MRPL36: variants seen among roughly 807,000 people sequenced by gnomAD.
MRPL36 encodes the protein large ribosomal subunit protein bL36m.
In MRPL36, 1 loss-of-function variant was observed where a neutral mutation model predicts 2.8. That is an observed-to-expected ratio of 0.36 (90% CI 0.13 to 1.69). The LOEUF (loss-of-function observed/expected upper bound fraction) is 1.69, where lower values mean the gene tolerates loss of function less well. MRPL36 is among the 40% of genes most tolerant of loss of function. The pLI is 0.35. For missense variants in MRPL36, 148 were observed against 132.7 expected, an observed-to-expected ratio of 1.12 and a Z score of -0.57; for synonymous variants, 68 against 54.8, an observed-to-expected ratio of 1.24 and a Z score of -1.06.
chr5:1,801,319 G>A (rs1211340237), upstream of MRPL36: 1 of 1,505,002 alleles, frequency 6.6e-7, no homozygotes, highest in African/African-American at 1.4e-5. Context: ...CCCGCCCCCA[G>A]GGCGAAATAA....
In MRPL36 at chr5:1,799,099, T is replaced by C. The variant is rs540642803; in HGVS notation, c.-12-152A>G. 10 of 622,362 alleles carry C rather than the reference T, an allele frequency of 1.6e-5. No individual in the cohort carries two copies. The Admixed American group carries it at 2.4e-4, about 15-fold the overall frequency. The allele number at this position is 622,362 out of a possible 1,614,324, so 38.6% of individuals were successfully genotyped here. ...TACCAGCTGCAGCCTCGACCTGAGC[T>C]TGAACACTGCCTTAATCAGCCAAGT... is the stretch of plus-strand genomic sequence containing the variant. On this transcript the variant is annotated intron_variant, in intron 1 of 1. Transcript: ENST00000505059.
chr5:1,800,677 C>T (rs773533196), upstream of MRPL36, among the ~76,000 whole-genome samples: 8 of 152,224 alleles, frequency 5.3e-5, no homozygotes, highest in Admixed American at 1.3e-4. Context: ...ACGTGGTCCT[C>T]AGGCTCTGAC....
Position 1,798,544 on chromosome 5 carries a change from G to C in MRPL36, c.*80C>G. On this transcript the variant is annotated 3_prime_UTR_variant, in exon 2 of 2. Transcript: ENST00000505059. ...TCACTTTCCCCTGACTCCTTGATGT[G>C]ATAATTCCTTCCATAAGATACAACC... 7.0e-7 allele frequency: 1 copy of C among 1,428,356 alleles called. No individual in the cohort carries two copies. The highest frequency in any genetic ancestry group is 1.4e-5 in the African/African-American group (1 of 70,928). 88.5% of individuals were successfully genotyped at this position (1,428,356 alleles called of 1,614,324 possible).
At chr5:1,799,875 C>CGGGGGG (rs368360524), upstream of MRPL36, 11 of 131,652 alleles carry the variant, frequency 8.4e-5, no homozygotes, top group African/African-American at 3.0e-4. Context: ...AAGATGGCGG[C>CGGGGGG]GGGGGGGGGG....
chr5:1,799,223 C>T (rs1733945741), intron 1 of MRPL36: 1 of 312,722 alleles, frequency 3.2e-6, no homozygotes, highest in South Asian at 6.9e-5. Context: ...GTTGAGGAGC[C>T]GCTCACTTGG....
chr5:1,798,639 C>T lies in MRPL36; in HGVS notation c.297G>A (p.Lys99=), dbSNP rs760027234. Residue 99 remains lysine, a synonymous_variant, in exon 2 of 2, where the codon AAG becomes AAA. Coordinates refer to ENST00000505059, the MANE Select transcript of MRPL36 (RefSeq NM_032479.4). ...GGGAAAGGGTCTACATCTGTCTCTG[C>T]TTGTGCCTCGGATGGGTTTTACAGT... ...YVYCKTHPRH[K]QRQM 5 of 1,609,724 alleles carry T rather than the reference C, an allele frequency of 3.1e-6. No individual in the cohort carries two copies. The highest frequency in any genetic ancestry group is 1.3e-5 in the African/African-American group (1 of 74,814).
intron 1 of MRPL36, chr5:1,799,267 T>G: frequency 4.5e-6 from 1 of 221,418 alleles, no homozygotes. Context: ...CCGCATCCCT[T>G]TCCAAACAGA....
chr5:1,800,803 G>GT (rs1734014727), upstream of MRPL36, among the ~76,000 whole-genome samples: 1 of 152,206 alleles, frequency 6.6e-6, no homozygotes, highest in South Asian at 2.1e-4. Flanking sequence ...ATCAGTCGGT[G>GT]TACTAGGCTT....
chr5:1,799,510 CG>C (rs1733958484), intron 1 of MRPL36: 1 of 152,306 alleles, frequency 6.6e-6, no homozygotes, highest in African/African-American at 2.4e-5. Flanking sequence ...GCACCGGAGC[CG>C]GCCCTGCGCG....
chr5:1,799,001 C>T, intron 1 of MRPL36, 54 bp from the exon 2 acceptor site: 1 of 1,376,578 alleles, frequency 7.3e-7, no homozygotes, highest in Non-Finnish European at 9.9e-7. Flanking sequence ...TCCACCTGCT[C>T]TTTAAGGCTT....
chr5:1,798,541 T>C lies in MRPL36; in HGVS notation c.*83A>G. The C allele has an allele frequency of 1.4e-6, 2 of 1,393,028 alleles. No individual in the cohort carries two copies. The highest frequency in any genetic ancestry group is 2.0e-6 in the Non-Finnish European group (2 of 1,013,788). The allele number at this position is 1,393,028 out of a possible 1,614,324, so 86.3% of individuals were successfully genotyped here. A position where few individuals can be genotyped will look rare whatever the true frequency, so the allele number is the denominator to read the frequency against. ...CAGTCACTTTCCCCTGACTCCTTGA[T>C]GTGATAATTCCTTCCATAAGATACA... On this transcript the variant is annotated 3_prime_UTR_variant, in exon 2 of 2. Transcript: ENST00000505059.
In MRPL36 at chr5:1,798,674, A is replaced by G; in HGVS notation, c.262T>C (p.Trp88Arg). 1 of 1,613,774 alleles carries G rather than the reference A, an allele frequency of 6.2e-7. No homozygotes were observed. The highest frequency in any genetic ancestry group is 8.5e-7 in the Non-Finnish European group (1 of 1,179,792). Reference protein sequence around the residue: ...DCYLVKRRGRWYVYCKTHPRH... With the variant: ...DCYLVKRRGRRYVYCKTHPRH... Reference sequence around the variant, plus strand: ...GGATGGGTTTTACAGTAGACGTACCACCGACCCCGCCTCTTCACCAGGTAA... The same window carrying G: ...GGATGGGTTTTACAGTAGACGTACCGCCGACCCCGCCTCTTCACCAGGTAA... The change falls in exon 2 of 2, where the codon TGG becomes CGG. Residue 88 changes from tryptophan to arginine, a missense_variant. Trp to Arg is a moderately radical substitution (Grantham distance 101). Coordinates refer to ENST00000505059, the MANE Select transcript of MRPL36 (RefSeq NM_032479.4).
chr5:1,799,290 G>A (rs1733948815), intron 1 of MRPL36: 1 of 186,142 alleles, frequency 5.4e-6, no homozygotes, highest in South Asian at 1.3e-4. Flanking sequence ...CCAGGTCAAG[G>A]ACGGTTCAAC....
intron 1 of MRPL36, 106 bp from the exon 2 acceptor site, chr5:1,799,053 C>T (rs1301273628): frequency 7.7e-6 from 7 of 906,308 alleles, no homozygotes; most frequent in South Asian, 1.8e-5. Flanking sequence ...GCAGGGACCT[C>T]GGGGACTGAG....
In MRPL36 at chr5:1,799,097, G is replaced by T; in HGVS notation, c.-12-150C>A. The T allele has an allele frequency of 6.4e-6, 4 of 625,484 alleles. No individual in the cohort carries two copies. In the South Asian group the frequency reaches 6.4e-5, roughly 10 times the overall value. The allele number at this position is 625,484 out of a possible 1,614,324, so 38.7% of individuals were successfully genotyped here. ...CATACCAGCTGCAGCCTCGACCTGA[G>T]CTTGAACACTGCCTTAATCAGCCAA... is the stretch of plus-strand genomic sequence containing the variant. On this transcript the variant is annotated intron_variant, in intron 1 of 1. Transcript: ENST00000505059.
chr5:1,798,486 G>A lies in MRPL36; in HGVS notation c.*138C>T, dbSNP rs990260041. 6 of 745,256 alleles carry A rather than the reference G, an allele frequency of 8.1e-6. No individual in the cohort carries two copies. In the South Asian group the frequency reaches 9.6e-5, roughly 12 times the overall value. The allele number at this position is 745,256 out of a possible 1,614,324, so 46.2% of individuals were successfully genotyped here. On this transcript the variant is annotated 3_prime_UTR_variant, in exon 2 of 2. Transcript: ENST00000505059. ...TATAGTTACTCATTTACACTGAAAC[G>A]TGATGGGTAACTTTTAGGGCGTTTG...
chr5:1,798,508 T>C lies in MRPL36; in HGVS notation c.*116A>G. The C allele has an allele frequency of 1.0e-6, 1 of 981,322 alleles. No individual in the cohort carries two copies. The highest frequency in any genetic ancestry group is 1.5e-6 in the Non-Finnish European group (1 of 661,314). 60.8% of individuals were successfully genotyped at this position (981,322 alleles called of 1,614,324 possible). ...AACGTGATGGGTAACTTTTAGGGCG[T>C]TTGCTTCCAGTCACTTTCCCCTGAC... is the stretch of plus-strand genomic sequence containing the variant. On this transcript the variant is annotated 3_prime_UTR_variant, in exon 2 of 2. Coordinates refer to ENST00000505059, the MANE Select transcript of MRPL36 (RefSeq NM_032479.4).
In MRPL36 at chr5:1,798,695, G is replaced by A. The variant is rs761269289; in HGVS notation, c.241C>T (p.Leu81=). The change falls in exon 2 of 2, where the codon CTG becomes TTG. Residue 81 remains leucine (L), a synonymous_variant. Transcript: ENST00000505059. ...TACCACCGACCCCGCCTCTTCACCA[G>A]GTAACAGTCCTTGCAGCGCTTCTTA... ...VLKKRCKDCY[L]VKRRGRWYVY... is the part of the protein sequence containing the mutation. 7 of 1,613,862 alleles carry A rather than the reference G, an allele frequency of 4.3e-6. No homozygotes were observed. The highest frequency in any genetic ancestry group is 2.2e-5 in the East Asian group (1 of 44,862).
At chr5:1,799,181 C>A in intron 1 of MRPL36, 1 of 464,350 alleles carries the variant, frequency 2.2e-6, no homozygotes, top group Non-Finnish European at 3.9e-6. Flanking sequence ...CCGCCTGCTG[C>A]AAGTGTAGGT....
Sources: allele counts gnomAD v4.1 joint callset (sites outside exome capture counted in the v4.1 genomes callset), GRCh38; gene constraint gnomAD v4.1.1; transcripts MANE v1.5; gene names NCBI Gene and HGNC (gene_info 2026-07-23, HGNC 2026-07-21).